Variants in THSD7A observed in about 807,000 individuals in gnomAD.
The protein encoded by THSD7A is thrombospondin type 1 domain containing 7A, also known as thrombospondin type-1 domain-containing protein 7A.
THSD7A carries 96 observed loss-of-function variants against 231.3 expected under a neutral mutation model. The observed-to-expected ratio is 0.41, with a 90% CI of 0.35 to 0.49. The LOEUF (loss-of-function observed/expected upper bound fraction) is 0.49. Among genes scored for constraint, THSD7A ranks in the 20% least tolerant of loss-of-function variants. The probability of loss-of-function intolerance (pLI) is 0.05; values close to 1 mark genes in which losing one functional copy is unlikely to be tolerated. For synonymous variants in THSD7A, 940 were observed against 743.3 expected (o/e 1.26, Z -4.30); for missense variants, 2,290 against 2,070.2 (o/e 1.11, Z -2.06).
chr7:11,706,549 A>G (rs983692254), intron 1 of THSD7A, among the ~76,000 whole-genome samples: 1 of 148,362 alleles, frequency 6.7e-6, no homozygotes, highest in Non-Finnish European at 1.5e-5. Context: ...ATCTATACTT[A>G]TAATCTGTTA....
chr7:11,440,531 G>T (rs913774880), intron 13 of THSD7A, among the ~76,000 whole-genome samples: 20 of 152,186 alleles, frequency 1.3e-4, no homozygotes, highest in African/African-American at 4.1e-4. Flanking sequence ...ATTCATGGAA[G>T]GAGGTCATAA....
chr7:11,617,770 A>T (rs1339735077), intron 2 of THSD7A, among the ~76,000 whole-genome samples: 1 of 152,154 alleles, frequency 6.6e-6, no homozygotes, highest in Non-Finnish European at 1.5e-5. Flanking sequence ...CAAGGACTAT[A>T]GGCGGGAATT....
chr7:11,723,353 A>T (rs1781427820), intron 1 of THSD7A, among the ~76,000 whole-genome samples: 1 of 151,620 alleles, frequency 6.6e-6, no homozygotes, highest in African/African-American at 2.4e-5. Context: ...GAGGGATAGC[A>T]TTAGGTGGTA....
intron 6 of THSD7A, among the ~76,000 whole-genome samples, chr7:11,512,668 T>A (rs1787861655): frequency 6.7e-6 from 1 of 149,770 alleles, no homozygotes; most frequent in Non-Finnish European, 1.5e-5. Context: ...CTGAGCAAAG[T>A]TTCACAAGGA....
At chr7:11,486,511 C>T (rs1269511915) in intron 6 of THSD7A, among the ~76,000 whole-genome samples, 1 of 152,170 alleles carries the variant, frequency 6.6e-6, no homozygotes, top group Admixed American at 6.6e-5. Flanking sequence ...TCCAAGTGTG[C>T]ATCCCATTAA....
rs1200085094 is a variant in THSD7A at position 11,767,731 on chromosome 7, T to G, written c.190+64026A>C. Among the ~76,000 whole-genome samples the G allele has an allele frequency of 3.3e-5, 5 of 152,302 alleles. No homozygotes were observed. The South Asian group carries it at 1.0e-3, about 32-fold the overall frequency. Reference sequence around the variant, plus strand: ...ATAATTGGTCCTTAATTAATTCTTGTTGAAAGTTGAATGAATAAAGAACAC... The same window carrying G: ...ATAATTGGTCCTTAATTAATTCTTGGTGAAAGTTGAATGAATAAAGAACAC... On this transcript the variant is annotated intron_variant, in intron 1 of 27. Transcript: ENST00000423059.
chr7:11,537,277 G>T (rs1788951032), intron 6 of THSD7A, among the ~76,000 whole-genome samples: 1 of 152,188 alleles, frequency 6.6e-6, no homozygotes, highest in African/African-American at 2.4e-5. Context: ...TGGCAAGCCA[G>T]TGCCCTGGAT....
At chr7:11,437,113 G>A (rs188633077) in intron 13 of THSD7A, among the ~76,000 whole-genome samples, 50 of 152,180 alleles carry the variant, frequency 3.3e-4, no homozygotes, top group Non-Finnish European at 5.4e-4. Context: ...GGATCTATTG[G>A]AGGCTATGTT....
At chr7:11,439,163 A>G (rs1165632373) in intron 13 of THSD7A, among the ~76,000 whole-genome samples, 1 of 152,022 alleles carries the variant, frequency 6.6e-6, no homozygotes, top group Non-Finnish European at 1.5e-5. Flanking sequence ...AATAGTGTTC[A>G]GCACCAATTT....
At chr7:11,830,890 G>C (rs567422974) in intron 1 of THSD7A, among the ~76,000 whole-genome samples, 1 of 152,174 alleles carries the variant, frequency 6.6e-6, no homozygotes, top group East Asian at 1.9e-4. Flanking sequence ...TAAGCAACAG[G>C]AATAATCTTT....
chr7:11,549,442 G>A (rs1176305413), intron 4 of THSD7A, among the ~76,000 whole-genome samples: 1 of 152,106 alleles, frequency 6.6e-6, no homozygotes, highest in African/African-American at 2.4e-5. Flanking sequence ...ATACCCAGAT[G>A]AATATAAATC....
chr7:11,508,043 G>C (rs1787629719), intron 6 of THSD7A, among the ~76,000 whole-genome samples: 1 of 152,156 alleles, frequency 6.6e-6, no homozygotes, highest in Non-Finnish European at 1.5e-5. Flanking sequence ...GAGAGAGAGA[G>C]AGCAGGAAAA....
intron 1 of THSD7A, among the ~76,000 whole-genome samples, chr7:11,669,822 T>C (rs118081028): frequency 0.02 from 3,109 of 152,212 alleles, 59 homozygotes; most frequent in Non-Finnish European, 0.029. Flanking sequence ...AGCCTACATA[T>C]ATAATCCTTC....
intron 2 of THSD7A, among the ~76,000 whole-genome samples, chr7:11,609,627 T>C (rs1780854981): frequency 6.6e-6 from 1 of 152,112 alleles, no homozygotes; most frequent in Non-Finnish European, 1.5e-5. Context: ...ACGGAAGAAC[T>C]GAAGCAGGGT....
chr7:11,462,190 T>C, intron 9 of THSD7A, 47 bp from the exon 10 acceptor site: 4 of 1,601,776 alleles, frequency 2.5e-6, no homozygotes, highest in Non-Finnish European at 3.4e-6. Flanking sequence ...ACTGATGAGA[T>C]AATCTCTAAA....
intron 1 of THSD7A, among the ~76,000 whole-genome samples, chr7:11,827,462 C>A (rs986703248): frequency 6.6e-6 from 1 of 152,026 alleles, no homozygotes; most frequent in Non-Finnish European, 1.5e-5. Context: ...TTTTAAAATA[C>A]TTTTTGCCAC....
chr7:11,676,942 A>C (rs1044265742), intron 1 of THSD7A, among the ~76,000 whole-genome samples: 1 of 152,168 alleles, frequency 6.6e-6, no homozygotes, highest in African/African-American at 2.4e-5. Flanking sequence ...CTCCTCGAGA[A>C]AAACAACCCC....
At position 11,675,589 on chromosome 7, in the gene THSD7A, C is replaced by G. The variant is rs1470201461; in HGVS notation, c.191-38628G>C. On this transcript the variant is annotated intron_variant, in intron 1 of 27. Coordinates refer to ENST00000423059, the MANE Select transcript of THSD7A (RefSeq NM_015204.3). ...TCCAGCTTGGTGGGGGAAGGGGCAT[C>G]CACCATTACTGAAGCTTGAGTAGAA... Among the ~76,000 whole-genome samples the G allele has an allele frequency of 2.0e-5, 3 of 152,154 alleles. No homozygotes were observed. The East Asian group carries it at 5.8e-4, about 29-fold the overall frequency.
At chr7:11,537,023 A>G (rs568182511) in intron 6 of THSD7A, among the ~76,000 whole-genome samples, 1 of 152,000 alleles carries the variant, frequency 6.6e-6, no homozygotes, top group South Asian at 2.1e-4. Flanking sequence ...TCTTTCCACA[A>G]TGAGTCCTAT....
Sources: allele counts gnomAD v4.1 joint callset (sites outside exome capture counted in the v4.1 genomes callset), GRCh38; gene constraint gnomAD v4.1.1; transcripts MANE v1.5; gene names NCBI Gene and HGNC (gene_info 2026-07-23, HGNC 2026-07-21).